TF: variants seen among roughly 807,000 people sequenced by gnomAD.
TF encodes the protein transferrin.
Under a neutral mutation model 82.4 loss-of-function variants are expected in TF, and 55 were observed. The ratio of observed to expected loss-of-function variants is 0.67; its 90% confidence interval spans 0.54 to 0.84. TF has a LOEUF of 0.84. TF is among the 40% of genes least tolerant of loss of function. TF has a pLI of 0.00. For missense variants in TF, 737 were observed against 868.4 expected (o/e 0.85, Z 1.90); for synonymous variants, 332 against 332.6 (o/e 1.00, Z 0.02).
chr3:133,724,908 A>G, the TF span, among the ~76,000 whole-genome samples: 3 of 152,188 alleles, frequency 2.0e-5, no homozygotes. Flanking sequence ...TTTATTAGAT[A>G]GGGAATCCTT....
At chr3:133,776,671 A>G (rs1934400520) in intron 15 of TF, among the ~76,000 whole-genome samples, 2 of 152,188 alleles carry the variant, frequency 1.3e-5, no homozygotes, top group South Asian at 4.1e-4. Context: ...GAGGGTTCAC[A>G]TTTAACATCT....
rs1933740786 is a variant in TF, at chr3:133,753,711, C to A, written c.325+8C>A. 6.2e-7 allele frequency: 1 copy of A among 1,605,596 alleles called. No individual in the cohort carries two copies. The highest frequency in any genetic ancestry group is 1.1e-5 in the South Asian group (1 of 90,920). ...TCTATGGGTCAAAAGAGGGTAAGTT[C>A]TCCCTGGGACCCCAGGAAGGAGTTG... On this transcript the variant is annotated splice_region_variant and intron_variant, in intron 3 of 16. Coordinates refer to ENST00000402696, the MANE Select transcript of TF (RefSeq NM_001063.4).
the TF span, among the ~76,000 whole-genome samples, chr3:133,670,030 C>T: frequency 2.6e-4 from 40 of 152,260 alleles, 1 homozygote; most frequent in African/African-American, 6.0e-4. Context: ...TGCCCCATGC[C>T]GTTATTACTT....
At chr3:133,679,683 G>T in the TF span, among the ~76,000 whole-genome samples, 1 of 147,196 alleles carries the variant, frequency 6.8e-6, no homozygotes, top group South Asian at 2.2e-4. Context: ...CTATTGAATG[G>T]CTTTACCACA....
At chr3:133,680,144 A>AT in the TF span, among the ~76,000 whole-genome samples, 41 of 150,966 alleles carry the variant, frequency 2.7e-4, 1 homozygote, top group African/African-American at 7.0e-4. Flanking sequence ...ATTTTTCTCC[A>AT]TTTTTTTTAA....
At chr3:133,751,529 T>G (rs759168422) in intron 2 of TF, among the ~76,000 whole-genome samples, 33 of 152,116 alleles carry the variant, frequency 2.2e-4, no homozygotes, top group Non-Finnish European at 4.3e-4. Flanking sequence ...ATAGTCAAAT[T>G]TATAGAAACA....
rs976043112 is a variant in TF, at chr3:133,791,275, C to G, written c.*12655C>G. The G allele has an allele frequency of 6.6e-6, 1 of 152,128 alleles. No individual in the cohort carries two copies. Among genetic ancestry groups the G allele is most frequent in the African/African-American group, 2.4e-5 (1 of 41,442 alleles). The allele number at this position is 152,128 out of a possible 1,614,324, so 9.4% of individuals were successfully genotyped here. On this transcript the variant is annotated 3_prime_UTR_variant, in exon 17 of 17. Transcript: ENST00000402696. ...AGTGTGTTGAGTATATTTTCATAAACAGAATTTGAGTCATATTTCTCTGTC... is the reference window on the plus strand; with the variant it reads ...AGTGTGTTGAGTATATTTTCATAAAGAGAATTTGAGTCATATTTCTCTGTC...
chr3:133,736,554 G>A, the TF span, among the ~76,000 whole-genome samples: 1 of 140,580 alleles, frequency 7.1e-6, no homozygotes, highest in Non-Finnish European at 1.5e-5. Context: ...GTATTCAGGA[G>A]ACCCATCTCA....
intron 3 of TF, chr3:133,754,008 G>T: frequency 2.0e-6 from 1 of 505,348 alleles, no homozygotes; most frequent in Non-Finnish European, 3.6e-6. Flanking sequence ...ATATGTCTAG[G>T]GTCCCTGGAG....
chr3:133,687,908 C>A, the TF span, among the ~76,000 whole-genome samples: 1 of 152,082 alleles, frequency 6.6e-6, no homozygotes, highest in Non-Finnish European at 1.5e-5. Flanking sequence ...GCATGTGTTT[C>A]TTTGAATCCC....
rs1049267488 is a variant in TF, at chr3:133,780,479, T to C, written c.*1859T>C. 6.6e-6 allele frequency: 1 copy of C among 152,218 alleles called. No individual in the cohort carries two copies. The highest frequency in any genetic ancestry group is 1.9e-4 in the East Asian group (1 of 5,202). The allele number at this position is 152,218 out of a possible 1,614,324, so 9.4% of individuals were successfully genotyped here. On this transcript the variant is annotated 3_prime_UTR_variant, in exon 17 of 17. Coordinates refer to ENST00000402696, the MANE Select transcript of TF (RefSeq NM_001063.4). ...ATAGACAGATGTTATTTGGCCATAATTTTATATACATGTAAACAAAAGCTA... is the reference window on the plus strand; with the variant it reads ...ATAGACAGATGTTATTTGGCCATAACTTTATATACATGTAAACAAAAGCTA...
In TF at chr3:133,757,847, T is replaced by C. The variant is rs1196067396; in HGVS notation, c.949T>C (p.Ser317Pro). ...PHGKDLLFKD[S>P]AHGFLKVPPR... ...TGGGAAGGACCTGCTGTTTAAGGAC[T>C]CTGCCCACGGGTTTTTAAAAGTCCC... The change falls in exon 8 of 17, where the codon TCT (serine) becomes CCT (proline). Residue 317 changes from serine to proline, a missense_variant. Transcript: ENST00000402696. 5.6e-6 allele frequency: 9 copies of C among 1,614,124 alleles called. No homozygotes were observed. Among genetic ancestry groups the C allele is most frequent in the African/African-American group, 2.7e-5 (2 of 74,956 alleles).
At chr3:133,700,715 G>A in the TF span, among the ~76,000 whole-genome samples, 1 of 152,226 alleles carries the variant, frequency 6.6e-6, no homozygotes, top group Non-Finnish European at 1.5e-5. Context: ...GATCTGAGGA[G>A]AGCTTTCCCT....
the TF span, among the ~76,000 whole-genome samples, chr3:133,669,602 C>G: frequency 6.6e-6 from 1 of 152,220 alleles, no homozygotes. Flanking sequence ...ACCTTCCACG[C>G]TCTTCCTTAT....
At chr3:133,726,695 G>T in the TF span, among the ~76,000 whole-genome samples, 2 of 152,008 alleles carry the variant, frequency 1.3e-5, no homozygotes, top group Non-Finnish European at 2.9e-5. Context: ...CTTGCCTTCT[G>T]CTAGCTTTTG....
chr3:133,732,498 G>A, the TF span, among the ~76,000 whole-genome samples: 2 of 152,216 alleles, frequency 1.3e-5, no homozygotes, highest in South Asian at 2.1e-4. Flanking sequence ...TAGGCCACCA[G>A]AGCCAACAGC....
the TF span, among the ~76,000 whole-genome samples, chr3:133,723,563 TTGA>T: frequency 1.3e-5 from 2 of 149,494 alleles, no homozygotes; most frequent in Non-Finnish European, 3.0e-5. Context: ...ATTTAGTCTG[TTGA>T]TGAAGCACTT....
the TF span, among the ~76,000 whole-genome samples, chr3:133,676,754 G>A: frequency 6.6e-6 from 1 of 152,350 alleles, no homozygotes; most frequent in African/African-American, 2.4e-5. Context: ...GCCCCGCTGG[G>A]ATCGTTCCTA....
At chr3:133,678,799 A>G in the TF span, among the ~76,000 whole-genome samples, 5 of 152,000 alleles carry the variant, frequency 3.3e-5, no homozygotes, top group African/African-American at 9.7e-5. Flanking sequence ...ATTTTCTCCT[A>G]TTCTGTAGGT....
Sources: gnomAD v4.1 joint callset for allele counts (sites outside exome capture counted in the v4.1 genomes callset) on GRCh38, gnomAD v4.1.1 for gene constraint, MANE v1.5 for transcripts, NCBI Gene and HGNC (gene_info 2026-07-23, HGNC 2026-07-21) for gene names.